The following PGM5 variants were observed in gnomAD, a reference collection of about 807,000 sequenced individuals.
The protein encoded by PGM5 is phosphoglucomutase 5.
PGM5 carries 23 observed loss-of-function variants against 59.2 expected under a neutral mutation model. The ratio of observed to expected loss-of-function variants is 0.39; its 90% CI spans 0.28 to 0.55. PGM5 has a LOEUF of 0.55. PGM5 is among the 20% of genes least tolerant of loss of function. PGM5 has a pLI of 0.66. For missense variants in PGM5, 574 were observed against 748.3 expected (o/e 0.77, Z 2.72); for synonymous variants, 214 against 286.0 (o/e 0.75, Z 2.54).
At chr9:68,378,117 T>C in intron 1 of PGM5, 82 bp from the exon 2 acceptor site, 3 of 1,059,156 alleles carry the variant, frequency 2.8e-6, no homozygotes, top group Middle Eastern at 3.3e-4. Context: ...TGGCTGTATG[T>C]TAACAGAGCC....
At chr9:68,361,737 C>T (rs1186962027) in intron 1 of PGM5, among the ~76,000 whole-genome samples, 10 of 152,112 alleles carry the variant, frequency 6.6e-5, no homozygotes, top group Admixed American at 6.6e-4. Context: ...CCTTTTAATA[C>T]CAGCACCTTT....
rs58452972 is a variant in PGM5, at chr9:68,493,001, T to A, written c.1480-6226T>A. On this transcript the variant is annotated intron_variant, in intron 9 of 10. Coordinates refer to ENST00000396396, the MANE Select transcript of PGM5 (RefSeq NM_021965.4). The stretch of plus-strand genomic sequence containing the variant: ...GAGTCTCTCTCTTCCAAGGCTGTCC[T>A]GTCTCCAGGTTCACATGCCTGCTGT... Among the ~76,000 whole-genome samples the A allele has an allele frequency of 1.1e-3, 175 of 152,318 alleles. 1 individual carries two copies. Among genetic ancestry groups the A allele is most frequent in the African/African-American group, 3.9e-3 (164 of 41,580 alleles).
chr9:68,487,658 G>C (rs1194097483), intron 9 of PGM5, among the ~76,000 whole-genome samples: 1 of 152,052 alleles, frequency 6.6e-6, no homozygotes, highest in African/African-American at 2.4e-5. Flanking sequence ...GTTGTCTCTT[G>C]TTTGGGTTAA....
At chr9:68,379,309 C>A (rs1417891270) in intron 2 of PGM5, among the ~76,000 whole-genome samples, 1 of 152,120 alleles carries the variant, frequency 6.6e-6, no homozygotes, top group Non-Finnish European at 1.5e-5. Flanking sequence ...TGGGTAGGAG[C>A]CAAATTTTAA....
rs782719334 is a variant in PGM5 at position 68,479,570 on chromosome 9, G to A, written c.1295+17G>A. ...CTATTGCAGGTGAGGAGAAGGGGAAGGGTCTCTGTATGGACCCTGAAGAAC... is the reference window on the plus strand; with the variant it reads ...CTATTGCAGGTGAGGAGAAGGGGAAAGGTCTCTGTATGGACCCTGAAGAAC... On this transcript the variant is annotated intron_variant, in intron 8 of 10. Coordinates refer to ENST00000396396, the MANE Select transcript of PGM5 (RefSeq NM_021965.4). The A allele has an allele frequency of 6.2e-6, 10 of 1,612,664 alleles. No individual in the cohort carries two copies. The East Asian group carries it at 2.2e-4, about 36-fold the overall frequency.
chr9:68,427,338 A>G (rs1411647287), intron 6 of PGM5, among the ~76,000 whole-genome samples: 3 of 152,220 alleles, frequency 2.0e-5, no homozygotes, highest in African/African-American at 7.2e-5. Flanking sequence ...TGGAGGTGAC[A>G]GAAGGGGCCT....
chr9:68,401,860 CA>C (rs1407544892), intron 6 of PGM5, among the ~76,000 whole-genome samples: 1 of 150,880 alleles, frequency 6.6e-6, no homozygotes, highest in Non-Finnish European at 1.5e-5. Flanking sequence ...ATCTTGATTA[CA>C]GTGGTAGTTA....
chr9:68,377,524 A>G (rs1407819830), intron 1 of PGM5, among the ~76,000 whole-genome samples: 1 of 152,238 alleles, frequency 6.6e-6, no homozygotes, highest in Non-Finnish European at 1.5e-5. Context: ...AATGTTCTTC[A>G]GCGCTGTGTT....
chr9:68,384,651 G>A lies in PGM5; in HGVS notation c.571+107G>A, dbSNP rs1382831494. The stretch of plus-strand genomic sequence containing the variant: ...AAAATTATTGCATTGTTAATCTCAG[G>A]GGTGACTCGATAAATGTGTGTAAAC... On this transcript the variant is annotated intron_variant, in intron 3 of 10. Transcript: ENST00000396396. 478 of 701,034 alleles carry A rather than the reference G, an allele frequency of 6.8e-4. 2 individuals are homozygous for A. Among genetic ancestry groups the A allele is most frequent in the Non-Finnish European group, 1.0e-4 (42 of 403,512 alleles). The allele number at this position is 701,034 out of a possible 1,614,324, so 43.4% of individuals were successfully genotyped here. A position where few individuals can be genotyped will look rare whatever the true frequency, so the allele number is the denominator to read the frequency against.
chr9:68,484,098 C>A, intron 9 of PGM5, 50 bp downstream of exon 9: 2 of 1,517,964 alleles, frequency 1.3e-6, no homozygotes, highest in Non-Finnish European at 1.8e-6. Flanking sequence ...AACCAGTGGC[C>A]AAAATGTCCT....
chr9:68,449,062 G>C (rs903326038), intron 6 of PGM5, among the ~76,000 whole-genome samples: 13 of 152,214 alleles, frequency 8.5e-5, no homozygotes, highest in African/African-American at 3.1e-4. Context: ...CCTGCTTCCT[G>C]GTTCATAGAT....
intron 10 of PGM5, among the ~76,000 whole-genome samples, chr9:68,524,252 G>A (rs1397551519): frequency 2.0e-5 from 3 of 152,048 alleles, no homozygotes; most frequent in African/African-American, 4.8e-5. Flanking sequence ...CAAAATCAAT[G>A]TCCAAAAAAT....
chr9:68,432,351 C>T (rs1467265259), intron 6 of PGM5, among the ~76,000 whole-genome samples: 1 of 151,760 alleles, frequency 6.6e-6, no homozygotes, highest in Non-Finnish European at 1.5e-5. Context: ...CAGGCAAGCG[C>T]CACCACACCC....
intron 1 of PGM5, among the ~76,000 whole-genome samples, chr9:68,371,155 G>C (rs1161434875): frequency 3.3e-5 from 5 of 152,274 alleles, no homozygotes; most frequent in African/African-American, 1.2e-4. Flanking sequence ...ACTTGGGTGT[G>C]TGCACCTTCT....
intron 7 of PGM5, among the ~76,000 whole-genome samples, chr9:68,471,923 A>G (rs1714073698): frequency 1.3e-5 from 2 of 152,006 alleles, no homozygotes; most frequent in African/African-American, 4.8e-5. Context: ...CATCTCAAAA[A>G]AAAAGGACAA....
At chr9:68,361,910 TA>T (rs1156685723) in intron 1 of PGM5, among the ~76,000 whole-genome samples, 2 of 151,980 alleles carry the variant, frequency 1.3e-5, no homozygotes, top group East Asian at 3.8e-4. Flanking sequence ...ATCGCAAGGT[TA>T]GGGCGATCAC....
At chr9:68,529,164 CGT>C (rs3223716) in intron 10 of PGM5, among the ~76,000 whole-genome samples, 17,282 of 131,742 alleles carry the variant, frequency 0.13, 1,058 homozygotes, top group South Asian at 0.2. Flanking sequence ...CTTTTATTCT[CGT>C]GTGTGTGTGT....
At chr9:68,525,612 T>G (rs559677886) in intron 10 of PGM5, among the ~76,000 whole-genome samples, 2 of 152,222 alleles carry the variant, frequency 1.3e-5, no homozygotes, top group African/African-American at 4.8e-5. Flanking sequence ...ATATACCATC[T>G]AGGTTTGTGT....
Position 68,413,222 on chromosome 9 carries a change from T to G in PGM5, c.1043+20749T>G, listed in dbSNP as rs2770847. Among the ~76,000 whole-genome samples, 926 of 152,222 alleles carry G rather than the reference T, an allele frequency of 6.1e-3. 9 individuals are homozygous for G. Among genetic ancestry groups the G allele is most frequent in the African/African-American group, 0.02 (810 of 41,470 alleles). On this transcript the variant is annotated intron_variant, in intron 6 of 10. Transcript: ENST00000396396. ...CTTCATTTCTTTCTATGTCTTTCTC[T>G]TTATGTTTTTCTTTCTCAGCACATT...
Sources: gnomAD v4.1 joint callset for allele counts (sites outside exome capture counted in the v4.1 genomes callset) on GRCh38, gnomAD v4.1.1 for gene constraint, MANE v1.5 for transcripts, NCBI Gene and HGNC (gene_info 2026-07-23, HGNC 2026-07-21) for gene names.